Variants in FREM3 observed in about 807,000 individuals in gnomAD.
FREM3 encodes FRAS1-related extracellular matrix protein 3.
Under a neutral mutation model 129.1 loss-of-function variants are expected in FREM3, and 105 were observed. The ratio of observed to expected loss-of-function variants is 0.81; its 90% CI spans 0.69 to 0.96. FREM3 has a LOEUF of 0.96. FREM3 is among the 40% of genes least tolerant of loss of function. The pLI, the probability that FREM3 is intolerant of heterozygous loss-of-function variation, is 0.00. For synonymous variants in FREM3, 1,014 were observed against 1,044.9 expected (o/e 0.97, Z 0.57); for missense variants, 2,593 against 2,666.3 (o/e 0.97, Z 0.61).
In FREM3 at chr4:143,577,333, C is replaced by G. The variant is rs752077974; in HGVS notation, c.*278G>C. 14 of 471,146 alleles carry G rather than the reference C, an allele frequency of 3.0e-5. No individual in the cohort carries two copies. Among genetic ancestry groups the G allele is most frequent in the Non-Finnish European group, 4.8e-5 (13 of 270,214 alleles). 29.2% of individuals were successfully genotyped at this position (471,146 alleles called of 1,614,324 possible). On this transcript the variant is annotated 3_prime_UTR_variant, in exon 8 of 8. Coordinates refer to ENST00000329798, the MANE Select transcript of FREM3 (RefSeq NM_001168235.2). ...GATCTTAACTTTTGATTTAATTGAT[C>G]ACAGTGGATTTCTTACTTGCCTCAG...
intron 2 of FREM3, chr4:143,649,179 A>T (rs1739470094): frequency 6.6e-6 from 1 of 152,234 alleles, no homozygotes; most frequent in African/African-American, 2.4e-5. Context: ...AAAAATGTTT[A>T]TATCTGTTAA....
chr4:143,693,325 T>C, intron 1 of FREM3, 123 bp from the exon 2 acceptor site: 1 of 440,270 alleles, frequency 2.3e-6, no homozygotes, highest in African/African-American at 2.0e-5. Context: ...AAATAGTGAT[T>C]GAGTGAACAT....
intron 2 of FREM3, among the ~76,000 whole-genome samples, chr4:143,629,463 G>A (rs1739100553): frequency 6.6e-6 from 1 of 152,046 alleles, no homozygotes; most frequent in Non-Finnish European, 1.5e-5. Flanking sequence ...ACTCTCTATA[G>A]TTTTCTCTCT....
intron 2 of FREM3, among the ~76,000 whole-genome samples, chr4:143,689,696 T>A (rs780185092): frequency 4.6e-5 from 7 of 152,030 alleles, no homozygotes; most frequent in Non-Finnish European, 7.4e-5. Context: ...TGGAATACTA[T>A]GCAGCCATAA....
At chr4:143,661,522 T>C (rs1490381248) in intron 2 of FREM3, among the ~76,000 whole-genome samples, 1 of 151,808 alleles carries the variant, frequency 6.6e-6, no homozygotes, top group East Asian at 1.9e-4. Flanking sequence ...TGCGTCAATG[T>C]TCATCAAGGA....
intron 6 of FREM3, among the ~76,000 whole-genome samples, chr4:143,604,925 T>C (rs1738642762): frequency 6.6e-6 from 1 of 152,198 alleles, no homozygotes. Flanking sequence ...TCTTCCATCA[T>C]TATTTCTGTG....
chr4:143,694,833 T>C (rs930882869), intron 1 of FREM3, among the ~76,000 whole-genome samples: 3 of 152,204 alleles, frequency 2.0e-5, no homozygotes, highest in African/African-American at 7.2e-5. Context: ...ACATGTATCA[T>C]GTGTGGGAAA....
intron 2 of FREM3, among the ~76,000 whole-genome samples, chr4:143,657,875 G>T (rs1319045825): frequency 2.6e-5 from 4 of 151,610 alleles, no homozygotes; most frequent in African/African-American, 9.7e-5. Flanking sequence ...CCACCATGTT[G>T]CCCAGTGCCC....
intron 2 of FREM3, among the ~76,000 whole-genome samples, chr4:143,671,017 G>A (rs996485220): frequency 6.6e-5 from 10 of 151,946 alleles, no homozygotes; most frequent in African/African-American, 1.7e-4. Context: ...GCTCATAAAC[G>A]CCACAATATA....
chr4:143,613,289 C>T (rs1388482822), intron 5 of FREM3, among the ~76,000 whole-genome samples: 1 of 152,162 alleles, frequency 6.6e-6, no homozygotes, highest in African/African-American at 2.4e-5. Flanking sequence ...AATGGACAGG[C>T]ACAAGGGGAA....
intron 6 of FREM3, among the ~76,000 whole-genome samples, chr4:143,603,925 T>A (rs1280651553): frequency 1.3e-5 from 2 of 152,190 alleles, no homozygotes; most frequent in African/African-American, 4.8e-5. Flanking sequence ...TGCCTTCTGA[T>A]ACAGTTTGGA....
intron 2 of FREM3, among the ~76,000 whole-genome samples, chr4:143,646,224 G>A (rs899351244): frequency 1.3e-5 from 2 of 152,186 alleles, no homozygotes; most frequent in African/African-American, 4.8e-5. Context: ...CAACATGAAA[G>A]CTTAAGAATG....
chr4:143,664,068 GTCT>G (rs1230614292), intron 2 of FREM3, among the ~76,000 whole-genome samples: 17 of 152,116 alleles, frequency 1.1e-4, no homozygotes, highest in Admixed American at 1.1e-3. Flanking sequence ...ATCGTCTGAA[GTCT>G]TCTTCTCTCA....
chr4:143,613,340 T>G (rs1578834660), intron 5 of FREM3, among the ~76,000 whole-genome samples: 1 of 152,140 alleles, frequency 6.6e-6, no homozygotes, highest in Non-Finnish European at 1.5e-5. Context: ...TCAGTGGCGG[T>G]CTATGCTTTG....
intron 4 of FREM3, among the ~76,000 whole-genome samples, chr4:143,623,606 C>T (rs1410964002): frequency 6.8e-6 from 1 of 146,396 alleles, no homozygotes; most frequent in East Asian, 2.1e-4. Flanking sequence ...TGGGGAGATA[C>T]TTGCTGAAAG....
chr4:143,618,426 A>T (rs533630466), intron 5 of FREM3, among the ~76,000 whole-genome samples: 1 of 152,198 alleles, frequency 6.6e-6, no homozygotes, highest in East Asian at 1.9e-4. Context: ...AAGAAAAAAT[A>T]GGATACAACA....
chr4:143,662,480 C>A (rs1330106704), intron 2 of FREM3, among the ~76,000 whole-genome samples: 9 of 151,376 alleles, frequency 5.9e-5, no homozygotes, highest in African/African-American at 2.2e-4. Context: ...TGTTCTTTTA[C>A]ATTTGCTGAG....
chr4:143,606,667 TTAAC>T (rs911132158), intron 6 of FREM3, among the ~76,000 whole-genome samples: 43 of 152,246 alleles, frequency 2.8e-4, no homozygotes, highest in African/African-American at 9.9e-4. Context: ...AATCTGGGCT[TTAAC>T]TGACTGGGCA....
intron 6 of FREM3, among the ~76,000 whole-genome samples, chr4:143,604,830 C>T (rs1738641539): frequency 6.6e-6 from 1 of 152,068 alleles, no homozygotes; most frequent in Non-Finnish European, 1.5e-5. Flanking sequence ...ATGCAAGTTC[C>T]CACAATCCAG....
Sources: gnomAD v4.1 joint callset for allele counts (sites outside exome capture counted in the v4.1 genomes callset) on GRCh38, gnomAD v4.1.1 for gene constraint, MANE v1.5 for transcripts, NCBI Gene and HGNC (gene_info 2026-07-23, HGNC 2026-07-21) for gene names.